CDH18: variants seen among roughly 807,000 people sequenced by gnomAD.
CDH18 encodes the protein cadherin-18.
A neutral mutation model predicts 67.9 loss-of-function variants in CDH18; 31 were observed. That is an observed-to-expected ratio of 0.46 (90% confidence interval 0.34 to 0.62). CDH18 has a LOEUF of 0.62. Among genes scored for constraint, CDH18 ranks in the 20% least tolerant of loss-of-function variants. The pLI is 0.01. For missense variants in CDH18, 890 were observed against 975.5 expected (o/e 0.91, Z 1.17); for synonymous variants, 362 against 347.2 (o/e 1.04, Z -0.48).
intron 1 of CDH18, among the ~76,000 whole-genome samples, chr5:20,468,711 T>A (rs1279180245): frequency 6.6e-6 from 1 of 152,200 alleles, no homozygotes; most frequent in Admixed American, 6.5e-5. Context: ...TTACACTGAC[T>A]AAATATGTCA....
At chr5:19,592,419 T>G (rs1004026763) in intron 6 of CDH18, among the ~76,000 whole-genome samples, 1 of 152,036 alleles carries the variant, frequency 6.6e-6, no homozygotes, top group Admixed American at 6.6e-5. Flanking sequence ...CAATTTATTA[T>G]AGAAAATTCA....
intron 12 of CDH18, among the ~76,000 whole-genome samples, chr5:19,479,326 T>C (rs1020117147): frequency 2.6e-5 from 4 of 152,184 alleles, no homozygotes; most frequent in Non-Finnish European, 4.4e-5. Context: ...GAACGTTATT[T>C]CAGAATTACG....
At chr5:20,328,747 ACTTTGGG>A (rs1738869070) in intron 1 of CDH18, among the ~76,000 whole-genome samples, 1 of 152,066 alleles carries the variant, frequency 6.6e-6, no homozygotes, top group South Asian at 2.1e-4. Context: ...GTACTCCACC[ACTTTGGG>A]AGGCCAAGGT....
At position 20,332,053 on chromosome 5, in the gene CDH18, G is replaced by A. The variant is rs56188478; in HGVS notation, c.-579-76548C>T. ...CAAGTTGTGGCCTGTTTTGAAGATT[G>A]TTTTTGTTTAGCCAAGCCCTTTATG... On this transcript the variant is annotated intron_variant, in intron 1 of 14. Coordinates refer to the CDH18 transcript ENST00000507958. Among the ~76,000 whole-genome samples the A allele has an allele frequency of 5.8e-3, 887 of 152,196 alleles. 2 individuals carry two copies. The highest frequency in any genetic ancestry group is 0.01 in the Non-Finnish European group (692 of 68,004).
chr5:20,489,788 G>A (rs1753474155), intron 1 of CDH18, among the ~76,000 whole-genome samples: 1 of 151,750 alleles, frequency 6.6e-6, no homozygotes, highest in African/African-American at 2.4e-5. Flanking sequence ...TTCTGTAGCT[G>A]ACAAAATGAA....
chr5:19,777,873 A>G (rs1417826291), intron 3 of CDH18, among the ~76,000 whole-genome samples: 2 of 152,234 alleles, frequency 1.3e-5, no homozygotes, highest in African/African-American at 4.8e-5. Context: ...AACAAAGAAC[A>G]TAAATTATGA....
At chr5:20,519,012 G>A (rs1366113969) in intron 1 of CDH18, among the ~76,000 whole-genome samples, 1 of 152,088 alleles carries the variant, frequency 6.6e-6, no homozygotes, top group Non-Finnish European at 1.5e-5. Flanking sequence ...TTAGTATTTA[G>A]AAAACAGAAA....
intron 2 of CDH18, among the ~76,000 whole-genome samples, chr5:19,944,937 C>T (rs1393259051): frequency 6.6e-6 from 1 of 152,092 alleles, no homozygotes; most frequent in Non-Finnish European, 1.5e-5. Context: ...ACCAGGGAGG[C>T]CTACAACCTC....
intron 2 of CDH18, among the ~76,000 whole-genome samples, chr5:20,013,399 G>C (rs1403540376): frequency 2.6e-5 from 4 of 151,952 alleles, no homozygotes; most frequent in African/African-American, 9.7e-5. Context: ...TGATAGTTAC[G>C]ACCCTGATAA....
At chr5:19,538,790 C>T (rs775613461) in intron 9 of CDH18, among the ~76,000 whole-genome samples, 3 of 152,074 alleles carry the variant, frequency 2.0e-5, no homozygotes, top group Non-Finnish European at 4.4e-5. Context: ...TGCAATGCCT[C>T]ACCTGCCCAG....
At chr5:19,849,471 A>G (rs748883130) in intron 2 of CDH18, among the ~76,000 whole-genome samples, 10 of 151,752 alleles carry the variant, frequency 6.6e-5, no homozygotes, top group Non-Finnish European at 1.5e-4. Flanking sequence ...GAATTGAACC[A>G]CCAATTAAAT....
At chr5:19,993,599 A>G (rs114320239) in intron 2 of CDH18, among the ~76,000 whole-genome samples, 2,622 of 152,190 alleles carry the variant, frequency 0.017, 29 homozygotes, top group Middle Eastern at 0.082. Context: ...CTTTTTCTGT[A>G]GCACACACAT....
rs139576529 is a variant in CDH18 at position 19,996,517 on chromosome 5, C to T, written c.-517-4503G>A. 1.6e-3 allele frequency among the ~76,000 whole-genome samples: 239 copies of T among 152,040 alleles called. 1 individual carries two copies. The highest frequency in any genetic ancestry group is 5.6e-3 in the African/African-American group (233 of 41,494). On this transcript the variant is annotated intron_variant, in intron 2 of 14. Coordinates refer to the CDH18 transcript ENST00000507958. ...TAAAATATATGAATATTTCTTGAAA[C>T]TCATGATTACTTTACTGGTTCCCAA...
At chr5:20,453,402 T>C (rs1304764620) in intron 1 of CDH18, among the ~76,000 whole-genome samples, 1 of 152,158 alleles carries the variant, frequency 6.6e-6, no homozygotes, top group Non-Finnish European at 1.5e-5. Flanking sequence ...ACTAACAGGC[T>C]ACAAGTCCAT....
At chr5:19,489,390 G>T (rs1357650881) in intron 11 of CDH18, among the ~76,000 whole-genome samples, 2 of 151,808 alleles carry the variant, frequency 1.3e-5, no homozygotes, top group Admixed American at 6.6e-5. Flanking sequence ...TGGGACTACA[G>T]GCGCCCGCCA....
At chr5:20,357,633 C>T (rs1741740599) in intron 1 of CDH18, among the ~76,000 whole-genome samples, 1 of 152,076 alleles carries the variant, frequency 6.6e-6, no homozygotes, top group Non-Finnish European at 1.5e-5. Flanking sequence ...GTCAGAATGG[C>T]TTTTGATAAA....
At chr5:20,442,882 A>G (rs974114632) in intron 1 of CDH18, among the ~76,000 whole-genome samples, 1 of 151,904 alleles carries the variant, frequency 6.6e-6, no homozygotes, top group Non-Finnish European at 1.5e-5. Flanking sequence ...CACTACTAAA[A>G]AGCAACTCAG....
chr5:19,587,500 T>C (rs1296600488), intron 7 of CDH18, among the ~76,000 whole-genome samples: 1 of 152,174 alleles, frequency 6.6e-6, no homozygotes, highest in East Asian at 1.9e-4. Flanking sequence ...GTTTCAATTT[T>C]CTGCATATGG....
At chr5:20,216,478 T>C in intron 2 of CDH18, among the ~76,000 whole-genome samples, 1 of 151,998 alleles carries the variant, frequency 6.6e-6, no homozygotes, top group Admixed American at 6.6e-5. Flanking sequence ...AGTAGGAACC[T>C]GAAGATAGAA....
Sources: gnomAD v4.1 joint callset for allele counts (sites outside exome capture counted in the v4.1 genomes callset) on GRCh38, gnomAD v4.1.1 for gene constraint, MANE v1.5 for transcripts, NCBI Gene and HGNC (gene_info 2026-07-23, HGNC 2026-07-21) for gene names.